The following TBC1D4 variants were observed in gnomAD, a reference collection of about 807,000 sequenced individuals.
The protein encoded by TBC1D4 is TBC1 domain family member 4.
A neutral mutation model predicts 142.5 loss-of-function variants in TBC1D4; 121 were observed. The observed-to-expected ratio is 0.85, with a 90% CI of 0.73 to 0.99. The LOEUF (loss-of-function observed/expected upper bound fraction) is 0.99, where lower values mean the gene tolerates loss of function less well. TBC1D4 is among the 50% of genes least tolerant of loss of function. TBC1D4 has a pLI of 0.00. For missense variants in TBC1D4, 1,475 were observed against 1,606.6 expected, an observed-to-expected ratio of 0.92 and a Z score of 1.40; for synonymous variants, 630 against 628.2, an observed-to-expected ratio of 1.00 and a Z score of -0.04.
At chr13:75,360,154 TTCCTC>T (rs1195713345) in intron 2 of TBC1D4, among the ~76,000 whole-genome samples, 1 of 152,126 alleles carries the variant, frequency 6.6e-6, no homozygotes, top group Non-Finnish European at 1.5e-5. Flanking sequence ...TATGCAAACT[TTCCTC>T]ACTTCATGAT....
intron 1 of TBC1D4, among the ~76,000 whole-genome samples, chr13:75,412,597 G>A (rs1435630222): frequency 6.6e-6 from 1 of 152,024 alleles, no homozygotes; most frequent in Non-Finnish European, 1.5e-5. Flanking sequence ...GAGCCACCAT[G>A]CCCAGCTAAA....
chr13:75,371,546 G>A (rs1246511073), intron 1 of TBC1D4, among the ~76,000 whole-genome samples: 1 of 152,130 alleles, frequency 6.6e-6, no homozygotes, highest in African/African-American at 2.4e-5. Flanking sequence ...GATGAGGATG[G>A]GGAAGAAGAT....
At chr13:75,414,197 C>A (rs1322719017) in intron 1 of TBC1D4, among the ~76,000 whole-genome samples, 1 of 152,218 alleles carries the variant, frequency 6.6e-6, no homozygotes, top group Non-Finnish European at 1.5e-5. Flanking sequence ...ACTGAACAAT[C>A]TCCAATGAGT....
intron 1 of TBC1D4, among the ~76,000 whole-genome samples, chr13:75,370,238 T>C (rs773383192): frequency 1.6e-4 from 25 of 152,032 alleles, no homozygotes; most frequent in Non-Finnish European, 3.5e-4. Context: ...CACGCGATTA[T>C]GGGGGAGGCA....
At chr13:75,319,757 A>G (rs1295331592) in intron 12 of TBC1D4, among the ~76,000 whole-genome samples, 2 of 152,232 alleles carry the variant, frequency 1.3e-5, no homozygotes, top group African/African-American at 4.8e-5. Flanking sequence ...TGAAGGCCAC[A>G]GCACAGCTCT....
At chr13:75,447,552 T>A (rs1887342562) in intron 1 of TBC1D4, among the ~76,000 whole-genome samples, 1 of 149,810 alleles carries the variant, frequency 6.7e-6, no homozygotes, top group Middle Eastern at 3.2e-3. Context: ...CACTGACCAG[T>A]ACTGTTTATA....
At chr13:75,481,195 T>TGCCCCCCCC in intron 1 of TBC1D4, 75 bp downstream of exon 1, 3 of 1,292,706 alleles carry the variant, frequency 2.3e-6, no homozygotes, top group Non-Finnish European at 2.1e-6. Flanking sequence ...TAAAGTGGGG[T>TGCCCCCCCC]CCCCGCCCCT....
chr13:75,307,850 T>C (rs1171300061), intron 14 of TBC1D4, among the ~76,000 whole-genome samples: 2 of 152,238 alleles, frequency 1.3e-5, no homozygotes, highest in Non-Finnish European at 2.9e-5. Context: ...ATTTGCTTTA[T>C]ATTTCTCTGA....
intron 14 of TBC1D4, among the ~76,000 whole-genome samples, chr13:75,309,050 G>C (rs1300751196): frequency 6.6e-6 from 1 of 152,146 alleles, no homozygotes; most frequent in Admixed American, 6.5e-5. Context: ...AGGCAAGTGA[G>C]AGAAATATCT....
chr13:75,410,234 C>G (rs912781232), intron 1 of TBC1D4, among the ~76,000 whole-genome samples: 19 of 152,174 alleles, frequency 1.2e-4, no homozygotes, highest in Non-Finnish European at 8.8e-5. Flanking sequence ...CAGCCATCCC[C>G]CTTTTCATTC....
chr13:75,421,774 CT>C (rs780251214), intron 1 of TBC1D4, among the ~76,000 whole-genome samples: 2 of 152,154 alleles, frequency 1.3e-5, no homozygotes, highest in Non-Finnish European at 2.9e-5. Context: ...AAAGTGACAA[CT>C]TTCTTAACAA....
intron 1 of TBC1D4, among the ~76,000 whole-genome samples, chr13:75,421,931 T>C (rs1886188407): frequency 6.6e-6 from 1 of 152,208 alleles, no homozygotes; most frequent in South Asian, 2.1e-4. Flanking sequence ...TGTACAAAGA[T>C]TGTGCACTCA....
At chr13:75,378,872 A>G (rs1480447661) in intron 1 of TBC1D4, among the ~76,000 whole-genome samples, 1 of 152,186 alleles carries the variant, frequency 6.6e-6, no homozygotes, top group East Asian at 1.9e-4. Context: ...CAGGTTTTGA[A>G]TAGAACTTAG....
At chr13:75,437,550 T>C (rs1313141806) in intron 1 of TBC1D4, among the ~76,000 whole-genome samples, 2 of 152,156 alleles carry the variant, frequency 1.3e-5, no homozygotes, top group African/African-American at 2.4e-5. Flanking sequence ...AGCAGTGCAG[T>C]AGCAAAATTA....
chr13:75,481,933 G>T lies in TBC1D4; in HGVS notation c.-166C>A. Reference sequence around the variant, plus strand: ...CCGCGCTTCAGCAGCCCTGCCCCATGCAGCACTTCCACGGGCGCGGCTCGG... The same window carrying T: ...CCGCGCTTCAGCAGCCCTGCCCCATTCAGCACTTCCACGGGCGCGGCTCGG... On this transcript the variant is annotated 5_prime_UTR_variant, in exon 1 of 21. Transcript: ENST00000377636. 1 of 1,005,798 alleles carries T rather than the reference G, an allele frequency of 9.9e-7. No homozygotes were observed. Among genetic ancestry groups the T allele is most frequent in the Non-Finnish European group, 1.3e-6 (1 of 773,604 alleles). 62.3% of individuals were successfully genotyped at this position (1,005,798 alleles called of 1,614,324 possible). A position where few individuals can be genotyped will look rare whatever the true frequency, so the allele number is the denominator to read the frequency against.
intron 1 of TBC1D4, among the ~76,000 whole-genome samples, chr13:75,381,348 C>T (rs9573533): frequency 0.25 from 37,294 of 151,856 alleles, 4,877 homozygotes; most frequent in African/African-American, 0.34. Context: ...CATTCACTGT[C>T]GAAATAACTA....
At chr13:75,382,128 C>T (rs975317450) in intron 1 of TBC1D4, among the ~76,000 whole-genome samples, 5 of 152,156 alleles carry the variant, frequency 3.3e-5, no homozygotes, top group South Asian at 2.1e-4. Context: ...AATATCCTCA[C>T]CTCCAGCCTC....
chr13:75,417,009 A>T (rs1272533572), intron 1 of TBC1D4, among the ~76,000 whole-genome samples: 1 of 151,984 alleles, frequency 6.6e-6, no homozygotes, highest in Non-Finnish European at 1.5e-5. Context: ...TCATAGGTGG[A>T]CCCTCCTTGA....
At chr13:75,447,076 G>A (rs1593895112) in intron 1 of TBC1D4, among the ~76,000 whole-genome samples, 1 of 152,176 alleles carries the variant, frequency 6.6e-6, no homozygotes, top group Non-Finnish European at 1.5e-5. Context: ...GCCTCACTGT[G>A]CACAAAGATA....
Sources: gnomAD v4.1 joint callset for allele counts (sites outside exome capture counted in the v4.1 genomes callset) on GRCh38, gnomAD v4.1.1 for gene constraint, MANE v1.5 for transcripts, NCBI Gene and HGNC (gene_info 2026-07-23, HGNC 2026-07-21) for gene names.